NAA11: variants seen among roughly 807,000 people sequenced by gnomAD.
NAA11 encodes N-alpha-acetyltransferase 11, NatA catalytic subunit, also known as N-alpha-acetyltransferase 11.
Under a neutral mutation model 16.1 loss-of-function variants are expected in NAA11, and 15 were observed. The observed-to-expected ratio is 0.93, with a 90% CI of 0.62 to 1.44. The LOEUF (loss-of-function observed/expected upper bound fraction) is 1.44. NAA11 is among the 40% of genes most tolerant of loss of function. The probability of loss-of-function intolerance (pLI) is 0.00; values close to 1 mark genes in which losing one functional copy is unlikely to be tolerated. For missense variants in NAA11, 298 were observed against 291.3 expected (o/e 1.02, Z -0.17); for synonymous variants, 122 against 112.4 (o/e 1.09, Z -0.54).
intron 2 of NAA11, among the ~76,000 whole-genome samples, chr4:79,226,763 C>A (rs368247801): frequency 3.1e-4 from 47 of 151,798 alleles, no homozygotes; most frequent in Non-Finnish European, 4.7e-4. Flanking sequence ...TGAATTCATC[C>A]TTTTTTATGG....
At chr4:79,294,705 G>A (rs1203993137) in intron 1 of NAA11, among the ~76,000 whole-genome samples, 6 of 151,846 alleles carry the variant, frequency 4.0e-5, no homozygotes, top group Non-Finnish European at 5.9e-5. Flanking sequence ...CTGTATCCTC[G>A]AGGAAAGAGG....
the NAA11 span, among the ~76,000 whole-genome samples, chr4:79,167,668 CAAGAA>C: frequency 6.6e-6 from 1 of 151,802 alleles, no homozygotes; most frequent in South Asian, 2.1e-4. Flanking sequence ...GGTAAGTTAT[CAAGAA>C]AAGAGGTTTA....
At chr4:79,225,695 A>T (rs1337138049) in exon 3 of NAA11, 1 of 152,110 alleles carries the variant, frequency 6.6e-6, no homozygotes, top group African/African-American at 2.4e-5. Flanking sequence ...GTGAGTTAAA[A>T]GGGAAGTCTT....
chr4:79,273,003 A>G (rs911660409), intron 2 of NAA11, among the ~76,000 whole-genome samples: 3 of 152,002 alleles, frequency 2.0e-5, no homozygotes, highest in African/African-American at 7.2e-5. Context: ...AAGGGCTCTT[A>G]CATGGCATTT....
the NAA11 span, among the ~76,000 whole-genome samples, chr4:79,167,762 T>C: frequency 6.6e-6 from 1 of 151,892 alleles, no homozygotes; most frequent in African/African-American, 2.4e-5. Flanking sequence ...CTCAGGAAAA[T>C]TATAATCATC....
the NAA11 span, among the ~76,000 whole-genome samples, chr4:79,166,234 T>C: frequency 1.3e-5 from 2 of 152,146 alleles, no homozygotes; most frequent in Non-Finnish European, 2.9e-5. Flanking sequence ...GTCTTGCTGC[T>C]CTCTAACCAC....
At chr4:79,222,814 C>T (rs1721222090), downstream of NAA11, among the ~76,000 whole-genome samples, 1 of 151,660 alleles carries the variant, frequency 6.6e-6, no homozygotes, top group South Asian at 2.1e-4. Context: ...AACAAACAAC[C>T]CCATCAAAAA....
At chr4:79,276,486 A>G (rs1235017155) in intron 2 of NAA11, among the ~76,000 whole-genome samples, 1 of 152,122 alleles carries the variant, frequency 6.6e-6, no homozygotes, top group Non-Finnish European at 1.5e-5. Flanking sequence ...CCCAACACTA[A>G]GTTCACTTTG....
chr4:79,201,591 T>G, the NAA11 span, among the ~76,000 whole-genome samples: 3 of 151,794 alleles, frequency 2.0e-5, no homozygotes, highest in Non-Finnish European at 4.4e-5. Context: ...GTCATATGTA[T>G]GTTTCAGTTT....
At chr4:79,235,472 A>G (rs1012798390) in intron 2 of NAA11, among the ~76,000 whole-genome samples, 11 of 152,176 alleles carry the variant, frequency 7.2e-5, no homozygotes, top group Admixed American at 2.0e-4. Context: ...CTGGGGTACA[A>G]TGACTACCTT....
chr4:79,158,334 C>T, the NAA11 span, among the ~76,000 whole-genome samples: 1 of 151,982 alleles, frequency 6.6e-6, no homozygotes, highest in Admixed American at 6.6e-5. Flanking sequence ...AGCTGAAAAT[C>T]AAATCAAGAA....
chr4:79,286,189 A>G (rs1722903195), intron 2 of NAA11, among the ~76,000 whole-genome samples: 1 of 152,082 alleles, frequency 6.6e-6, no homozygotes, highest in South Asian at 2.1e-4. Context: ...CGAACCCACA[A>G]TGGCTGAAAT....
chr4:79,250,190 C>A (rs1169271469), intron 2 of NAA11, among the ~76,000 whole-genome samples: 1 of 151,240 alleles, frequency 6.6e-6, no homozygotes, highest in Non-Finnish European at 1.5e-5. Flanking sequence ...AGATTCTCAG[C>A]GGCCACTTGG....
chr4:79,271,650 G>A (rs918366441), intron 2 of NAA11, among the ~76,000 whole-genome samples: 2 of 151,954 alleles, frequency 1.3e-5, no homozygotes, highest in Non-Finnish European at 2.9e-5. Flanking sequence ...AAACTAACTC[G>A]CTGTTTCCTA....
the NAA11 span, among the ~76,000 whole-genome samples, chr4:79,213,762 C>T: frequency 2.0e-5 from 3 of 152,214 alleles, no homozygotes; most frequent in East Asian, 5.8e-4. Flanking sequence ...CATGGAATCC[C>T]TTATGTCCTT....
chr4:79,280,350 C>A (rs1722755911), intron 2 of NAA11, among the ~76,000 whole-genome samples: 1 of 151,996 alleles, frequency 6.6e-6, no homozygotes, highest in South Asian at 2.1e-4. Context: ...CAGCCCGGTC[C>A]AGGTTAATTA....
At chr4:79,193,367 G>C in the NAA11 span, among the ~76,000 whole-genome samples, 1 of 151,936 alleles carries the variant, frequency 6.6e-6, no homozygotes, top group Non-Finnish European at 1.5e-5. Flanking sequence ...GGTCTAACAT[G>C]TAAGTCTTTA....
intron 2 of NAA11, among the ~76,000 whole-genome samples, chr4:79,273,923 C>T (rs1360917925): frequency 2.0e-5 from 3 of 151,984 alleles, no homozygotes; most frequent in African/African-American, 7.2e-5. Flanking sequence ...ATGAAGAATC[C>T]ATATGTCCAT....
chr4:79,247,635 A>G (rs1469082180), intron 2 of NAA11, among the ~76,000 whole-genome samples: 1 of 152,062 alleles, frequency 6.6e-6, no homozygotes, highest in Non-Finnish European at 1.5e-5. Flanking sequence ...CTCCAAGCAG[A>G]TCTTCAGAGG....
Sources: allele counts gnomAD v4.1 joint callset (sites outside exome capture counted in the v4.1 genomes callset), GRCh38; gene constraint gnomAD v4.1.1; transcripts MANE v1.5; gene names NCBI Gene and HGNC (gene_info 2026-07-23, HGNC 2026-07-21).